Variants in NECAB2 observed in about 807,000 individuals in gnomAD.
The protein encoded by NECAB2 is N-terminal EF-hand calcium-binding protein 2.
NECAB2 carries 68 observed loss-of-function variants against 51.9 expected under a neutral mutation model. That is an observed-to-expected ratio of 1.31 (90% CI 1.08 to 1.60). NECAB2 has a LOEUF of 1.60. Ranked by LOEUF, NECAB2 falls within the 40% of genes most tolerant of loss-of-function variation. The probability of loss-of-function intolerance (pLI) is 0.00; values close to 1 mark genes in which losing one functional copy is unlikely to be tolerated. For missense variants in NECAB2, 854 were observed against 490.3 expected (o/e 1.74, Z -7.00); for synonymous variants, 329 against 203.5 (o/e 1.62, Z -5.25).
chr16:83,985,704 C>T (rs1374418376), intron 5 of NECAB2, among the ~76,000 whole-genome samples: 1 of 151,758 alleles, frequency 6.6e-6, no homozygotes, highest in Admixed American at 6.6e-5. Flanking sequence ...GTATTTTCAA[C>T]CTATTATTTG....
At chr16:83,995,065 G>A (rs1293061545) in intron 8 of NECAB2, among the ~76,000 whole-genome samples, 3 of 152,228 alleles carry the variant, frequency 2.0e-5, no homozygotes, top group Admixed American at 1.3e-4. Flanking sequence ...GCACCAGGAT[G>A]AAAGAGAGAC....
At chr16:83,965,273 C>T (rs1229858139), upstream of NECAB2, 5 of 1,606,964 alleles carry the variant, frequency 3.1e-6, no homozygotes, top group Non-Finnish European at 4.3e-6. Flanking sequence ...GGCCCAGCAG[C>T]CCTTCTCGCT....
chr16:83,982,242 T>G (rs1227139555), intron 5 of NECAB2, among the ~76,000 whole-genome samples: 1 of 152,158 alleles, frequency 6.6e-6, no homozygotes, highest in East Asian at 1.9e-4. Context: ...CAGTCTCTGT[T>G]TTGCCATATA....
At chr16:83,978,270 C>A (rs2084439637) in intron 2 of NECAB2, among the ~76,000 whole-genome samples, 174 bp from the exon 3 acceptor site, 1 of 152,136 alleles carries the variant, frequency 6.6e-6, no homozygotes, top group Non-Finnish European at 1.5e-5. Context: ...TAGGGATTAT[C>A]TAAAATGGAA....
chr16:83,970,060 C>T (rs2084332140), intron 1 of NECAB2, among the ~76,000 whole-genome samples: 1 of 152,188 alleles, frequency 6.6e-6, no homozygotes, highest in African/African-American at 2.4e-5. Flanking sequence ...CAAACCATCC[C>T]CTCCTCAGGA....
chr16:83,990,710 G>C, intron 6 of NECAB2, 80 bp downstream of exon 6: 1 of 1,562,910 alleles, frequency 6.4e-7, no homozygotes, highest in East Asian at 2.3e-5. Flanking sequence ...TGGTGGGGAT[G>C]TCTGTGTACC....
At chr16:83,973,476 A>AT (rs2084370764) in intron 2 of NECAB2, among the ~76,000 whole-genome samples, 1 of 152,182 alleles carries the variant, frequency 6.6e-6, no homozygotes, top group South Asian at 2.1e-4. Flanking sequence ...GGGAAGAAGG[A>AT]CCATCAGCAG....
intron 3 of NECAB2, among the ~76,000 whole-genome samples, chr16:83,979,733 T>C (rs562998668): frequency 2.5e-3 from 360 of 145,842 alleles, no homozygotes; most frequent in African/African-American, 8.6e-3. Flanking sequence ...AGAGTCGAAC[T>C]GTGAGAGTAC....
upstream of NECAB2, among the ~76,000 whole-genome samples, chr16:83,967,390 G>T (rs2084293081): frequency 6.9e-6 from 1 of 145,960 alleles, no homozygotes; most frequent in Admixed American, 6.9e-5. Context: ...AGGATGGGTG[G>T]GTGGGTGGAC....
intron 11 of NECAB2, 97 bp from the exon 12 acceptor site, chr16:84,001,728 A>G: frequency 7.5e-7 from 1 of 1,329,104 alleles, no homozygotes; most frequent in Non-Finnish European, 1.1e-6. Flanking sequence ...CTTATTGATA[A>G]GCTCCCCATT....
At chr16:83,987,537 C>A (rs1230080930) in intron 5 of NECAB2, among the ~76,000 whole-genome samples, 1 of 152,122 alleles carries the variant, frequency 6.6e-6, no homozygotes, top group Non-Finnish European at 1.5e-5. Flanking sequence ...AACATTTTAG[C>A]CTTTTTTTAT....
chr16:83,984,315 G>T (rs1325073211), intron 5 of NECAB2, among the ~76,000 whole-genome samples: 2 of 151,798 alleles, frequency 1.3e-5, no homozygotes, highest in African/African-American at 4.8e-5. Flanking sequence ...AAACAAAACT[G>T]CCCTGGGCAT....
At chr16:83,987,603 C>G (rs890491567) in intron 5 of NECAB2, among the ~76,000 whole-genome samples, 1 of 145,952 alleles carries the variant, frequency 6.9e-6, no homozygotes, top group African/African-American at 2.8e-5. Context: ...GCTCTTTTAC[C>G]TAATTTTTTA....
At chr16:83,979,980 G>A (rs2084463529) in intron 3 of NECAB2, among the ~76,000 whole-genome samples, 2 of 152,174 alleles carry the variant, frequency 1.3e-5, no homozygotes, top group African/African-American at 4.8e-5. Context: ...CCAGAACTCT[G>A]AATATGAGAT....
chr16:83,992,794 G>A (rs1196421075), intron 6 of NECAB2, among the ~76,000 whole-genome samples: 1 of 152,200 alleles, frequency 6.6e-6, no homozygotes, highest in Non-Finnish European at 1.5e-5. Flanking sequence ...CCAGAACTCT[G>A]CACATGTGGT....
At chr16:83,999,837 AGAAG>A (rs2084786240) in intron 10 of NECAB2, among the ~76,000 whole-genome samples, 3 of 151,152 alleles carry the variant, frequency 2.0e-5, no homozygotes, top group African/African-American at 7.4e-5. Flanking sequence ...GAGGACAAGT[AGAAG>A]GAAGAAGAGG....
In NECAB2 at chr16:83,994,346, G is replaced by A. The variant is rs779984937; in HGVS notation, c.641G>A (p.Cys214Tyr). 6.2e-7 allele frequency: 1 copy of A among 1,614,192 alleles called. No individual in the cohort carries two copies. The highest frequency in any genetic ancestry group is 8.5e-7 in the Non-Finnish European group (1 of 1,180,030). Residue 214 changes from cysteine to tyrosine, a missense_variant, in exon 7 of 13, where the codon TGT becomes TAT. Coordinates refer to ENST00000305202, the MANE Select transcript of NECAB2 (RefSeq NM_019065.3). ...KPSHSAAQTW[C>Y]GSPTPASAPN... The stretch of plus-strand genomic sequence containing the variant: ...AGCCACAGCGCGGCACAGACCTGGT[G>A]TGGAAGCCCCACTCCCGCCTCTGCC...
intron 1 of NECAB2, among the ~76,000 whole-genome samples, chr16:83,969,196 C>T (rs1167255879): frequency 1.3e-5 from 2 of 151,606 alleles, no homozygotes; most frequent in Admixed American, 6.6e-5. Flanking sequence ...CCCGCGGGAC[C>T]GGAGCCCCTC....
chr16:83,973,881 T>G (rs1486906460), intron 2 of NECAB2, among the ~76,000 whole-genome samples: 1 of 151,858 alleles, frequency 6.6e-6, no homozygotes, highest in African/African-American at 2.4e-5. Flanking sequence ...GCATCCCGAG[T>G]GTGTGTGCAG....
Sources: allele counts gnomAD v4.1 joint callset (sites outside exome capture counted in the v4.1 genomes callset), GRCh38; gene constraint gnomAD v4.1.1; transcripts MANE v1.5; gene names NCBI Gene and HGNC (gene_info 2026-07-23, HGNC 2026-07-21).